The following EXPH5 variants were observed in gnomAD, a reference collection of about 807,000 sequenced individuals.
EXPH5 encodes the protein exophilin-5.
A neutral mutation model predicts 41.1 loss-of-function variants in EXPH5; 42 were observed. That is an observed-to-expected ratio of 1.02 (90% CI 0.80 to 1.32). The LOEUF is 1.32. Among genes scored for constraint, EXPH5 ranks in the 40% most tolerant of loss-of-function variants. EXPH5 has a pLI of 0.00. For missense variants in EXPH5, 2,298 were observed against 2,314.5 expected (o/e 0.99, Z 0.15); for synonymous variants, 798 against 833.5 (o/e 0.96, Z 0.73).
chr11:108,587,451 G>T (rs1269562015), intron 1 of EXPH5, among the ~76,000 whole-genome samples: 1 of 152,120 alleles, frequency 6.6e-6, no homozygotes, highest in East Asian at 1.9e-4. Context: ...ATTTGACTAG[G>T]TATTGAGTAC....
chr11:108,515,211 T>C (rs1666278455), intron 5 of EXPH5, among the ~76,000 whole-genome samples: 1 of 152,176 alleles, frequency 6.6e-6, no homozygotes, highest in South Asian at 2.1e-4. Context: ...TTCTAAGATA[T>C]GGACCAGTAA....
chr11:108,532,354 ATATATATATATATTTTTTTTTTTTTT>A (rs1370070311), intron 3 of EXPH5, among the ~76,000 whole-genome samples: 2 of 23,004 alleles, frequency 8.7e-5, no homozygotes, highest in Admixed American at 5.0e-4. Flanking sequence ...ATATATATAT[ATATATATATATATTTTTTTTTTTTTT>A]TTTTTTTTTT....
At chr11:108,527,961 A>G (rs780718133) in intron 4 of EXPH5, among the ~76,000 whole-genome samples, 175 bp downstream of exon 4, 1 of 152,256 alleles carries the variant, frequency 6.6e-6, no homozygotes, top group Admixed American at 6.5e-5. Flanking sequence ...TCCAGTATCA[A>G]AGTCAACTGG....
chr11:108,593,358 C>T (rs2136132774), intron 1 of EXPH5, 60 bp downstream of exon 1: 1 of 1,482,844 alleles, frequency 6.7e-7, no homozygotes, highest in Non-Finnish European at 9.4e-7. Context: ...GCCTTCCCCG[C>T]GGATCCCCGG....
Position 108,583,317 on chromosome 11 carries a change from A to G in EXPH5, c.119+10101T>C, listed in dbSNP as rs2094103994. Among the ~76,000 whole-genome samples, 3 of 151,724 alleles carry G rather than the reference A, an allele frequency of 2.0e-5. No individual in the cohort carries two copies. The South Asian group carries it at 6.3e-4, about 32-fold the overall frequency. Reference sequence around the variant, plus strand: ...GAATGGCGTGAACCCGAGTGCAGTGAGCTGAGATCGCACGACTGCACTCCA... The same window carrying G: ...GAATGGCGTGAACCCGAGTGCAGTGGGCTGAGATCGCACGACTGCACTCCA... On this transcript the variant is annotated intron_variant, in intron 1 of 5. Transcript: ENST00000265843.
chr11:108,519,222 G>A (rs557102595), intron 4 of EXPH5, among the ~76,000 whole-genome samples: 1 of 152,214 alleles, frequency 6.6e-6, no homozygotes, highest in African/African-American at 2.4e-5. Context: ...CCACGGAAGG[G>A]CCAATACTAA....
chr11:108,579,735 T>C (rs2094091941), intron 1 of EXPH5, among the ~76,000 whole-genome samples: 1 of 152,172 alleles, frequency 6.6e-6, no homozygotes, highest in South Asian at 2.1e-4. Flanking sequence ...ATTTACTTTT[T>C]TCCCTCTCCT....
At chr11:108,574,410 T>C (rs1313194762) in intron 1 of EXPH5, among the ~76,000 whole-genome samples, 2 of 151,106 alleles carry the variant, frequency 1.3e-5, no homozygotes, top group Non-Finnish European at 2.9e-5. Flanking sequence ...AAGAGGTACA[T>C]TTGGCTACAT....
Position 108,511,905 on chromosome 11 carries a change from C to A in EXPH5, c.3602G>T (p.Ser1201Ile). 6.3e-7 allele frequency: 1 copy of A among 1,592,918 alleles called. No individual in the cohort carries two copies. Among genetic ancestry groups the A allele is most frequent in the South Asian group, 1.2e-5 (1 of 86,400 alleles). ...GTCTTCATTTGAAAGAGCAAATACA[C>A]TTCTCCTGGAGGCAGCCATTTTACC... ...KEGKMAASRRSVFALSNEDPL... is the reference protein window; with the variant it reads ...KEGKMAASRRIVFALSNEDPL... The change falls in exon 6 of 6, where the codon AGT (serine) becomes ATT (isoleucine). Residue 1201 changes from serine to isoleucine, a missense_variant. Physicochemically the swap from Ser to Ile is moderately radical, Grantham distance 142. Transcript: ENST00000265843.
Position 108,574,263 on chromosome 11 carries a change from T to C in EXPH5, c.119+19155A>G, listed in dbSNP as rs145947670. Among the ~76,000 whole-genome samples the C allele has an allele frequency of 2.1e-3, 315 of 151,846 alleles. 2 individuals are homozygous for C. The highest frequency in any genetic ancestry group is 7.1e-3 in the African/African-American group (293 of 41,390). On this transcript the variant is annotated intron_variant, in intron 1 of 5. Transcript: ENST00000265843. ...GTGTGGTGGTGCACGTTCATAGTCC[T>C]AGCTACTCAGGAGGCTAAGGCGGGA...
rs982662184 is a variant in EXPH5 at position 108,515,979 on chromosome 11, G to C, written c.632-1104C>G. 7.9e-5 allele frequency among the ~76,000 whole-genome samples: 12 copies of C among 151,650 alleles called. 1 individual carries two copies. In the South Asian group the frequency reaches 2.5e-3, roughly 32 times the overall value. On this transcript the variant is annotated intron_variant, in intron 5 of 5. Transcript: ENST00000265843. ...CTCAGCTACTCGGGAGGCTGAGGCA[G>C]GAGAATGGCGTGAACCCGGGAGGCA...
rs148791411 is a variant in EXPH5, at chr11:108,510,309, G to A, written c.5198C>T (p.Ser1733Leu). The A allele has an allele frequency of 2.5e-6, 4 of 1,614,080 alleles. No homozygotes were observed. The African/African-American group carries it at 5.3e-5, about 22-fold the overall frequency. ...QNLVRESGAP[S>L]PITFTSLREA... ...CCTGAGGCTGGTGAATGTGATGGGTGATGGGGCTCCTGATTCTCTTACTAA... is the reference window on the plus strand; with the variant it reads ...CCTGAGGCTGGTGAATGTGATGGGTAATGGGGCTCCTGATTCTCTTACTAA... The change falls in exon 6 of 6, where the codon TCA becomes TTA. Residue 1733 changes from serine to leucine, a missense_variant. Coordinates refer to ENST00000265843, the MANE Select transcript of EXPH5 (RefSeq NM_015065.3).
At chr11:108,562,025 G>A (rs1180757128) in intron 1 of EXPH5, among the ~76,000 whole-genome samples, 1 of 152,148 alleles carries the variant, frequency 6.6e-6, no homozygotes, top group Admixed American at 6.5e-5. Flanking sequence ...GCCGTGCAGG[G>A]TTGAGGCCGT....
At chr11:108,546,041 G>T (rs1422739954) in intron 1 of EXPH5, among the ~76,000 whole-genome samples, 2 of 152,110 alleles carry the variant, frequency 1.3e-5, no homozygotes, top group Non-Finnish European at 2.9e-5. Flanking sequence ...AAAGGGTCGT[G>T]GCAGAAGGGT....
intron 1 of EXPH5, among the ~76,000 whole-genome samples, chr11:108,553,368 C>A (rs1332505515): frequency 6.6e-6 from 1 of 152,138 alleles, no homozygotes; most frequent in Non-Finnish European, 1.5e-5. Context: ...AATAGTCACC[C>A]TTTACCAATA....
intron 1 of EXPH5, among the ~76,000 whole-genome samples, chr11:108,578,483 C>G (rs1018460438): frequency 6.6e-6 from 1 of 152,110 alleles, no homozygotes; most frequent in Admixed American, 6.5e-5. Context: ...TTCAGCTTTG[C>G]TCTTTTTTGC....
Position 108,593,607 on chromosome 11 carries a change from T to A in EXPH5, c.-71A>T. ...TGTTAGGAAGGCATTTTTCAACCTG[T>A]ACAAGACCAGTTTCACGAACTTGAT... On this transcript the variant is annotated 5_prime_UTR_variant, in exon 1 of 6. Coordinates refer to ENST00000265843, the MANE Select transcript of EXPH5 (RefSeq NM_015065.3). 6.2e-7 allele frequency: 1 copy of A among 1,611,710 alleles called. No homozygotes were observed. Among genetic ancestry groups the A allele is most frequent in the Non-Finnish European group, 8.5e-7 (1 of 1,178,858 alleles).
At chr11:108,564,234 G>T (rs1401106553) in intron 1 of EXPH5, among the ~76,000 whole-genome samples, 1 of 152,144 alleles carries the variant, frequency 6.6e-6, no homozygotes. Context: ...GTTGCAGTGA[G>T]CTGAGATCGC....
chr11:108,562,265 G>GTTTTTTTTTTTTTTT (rs35527615), intron 1 of EXPH5, among the ~76,000 whole-genome samples: 1 of 104,602 alleles, frequency 9.6e-6, no homozygotes, highest in African/African-American at 3.1e-5. Flanking sequence ...TTTTTTCTGT[G>GTTTTTTTTTTTTTTT]TTTTTTTTTT....
Sources: gnomAD v4.1 joint callset for allele counts (sites outside exome capture counted in the v4.1 genomes callset) on GRCh38, gnomAD v4.1.1 for gene constraint, MANE v1.5 for transcripts, NCBI Gene and HGNC (gene_info 2026-07-23, HGNC 2026-07-21) for gene names.